MTMR3: variants seen among roughly 807,000 people sequenced by gnomAD.
MTMR3 encodes the protein myotubularin related protein 3.
A neutral mutation model predicts 132.4 loss-of-function variants in MTMR3; 32 were observed. The ratio of observed to expected loss-of-function variants is 0.24; its 90% confidence interval spans 0.18 to 0.32. The LOEUF is 0.32. Among genes scored for constraint, MTMR3 ranks in the 10% least tolerant of loss-of-function variants. The probability of loss-of-function intolerance (pLI) is 1.00; values close to 1 mark genes in which losing one functional copy is unlikely to be tolerated. For missense variants in MTMR3, 1,216 were observed against 1,489.6 expected (o/e 0.82, Z 3.02); for synonymous variants, 556 against 550.3 (o/e 1.01, Z -0.14).
At chr22:29,991,254 A>G in intron 6 of MTMR3, 1 of 288,454 alleles carries the variant, frequency 3.5e-6, no homozygotes, top group Non-Finnish European at 6.4e-6. Context: ...ATCTTAGAAG[A>G]GATTTCATTA....
intron 1 of MTMR3, among the ~76,000 whole-genome samples, chr22:29,942,460 CATCTT>C: frequency 6.6e-6 from 1 of 152,176 alleles, no homozygotes; most frequent in Non-Finnish European, 1.5e-5. Context: ...TCATTGATAA[CATCTT>C]ATCAGGAGAC....
chr22:30,017,856 G>C, intron 15 of MTMR3, 71 bp from the exon 16 acceptor site: 1 of 1,592,986 alleles, frequency 6.3e-7, no homozygotes, highest in South Asian at 1.1e-5. Flanking sequence ...GCTTGCTCTT[G>C]ATCCTCATTT....
intron 19 of MTMR3, chr22:30,023,595 T>C: frequency 7.5e-7 from 1 of 1,337,284 alleles, no homozygotes; most frequent in East Asian, 2.3e-5. Flanking sequence ...GCCTGGGGCC[T>C]TGGGTGCACA....
chr22:29,918,330 C>T (rs888658676), intron 1 of MTMR3, among the ~76,000 whole-genome samples: 2 of 152,188 alleles, frequency 1.3e-5, no homozygotes, highest in African/African-American at 4.8e-5. Context: ...TGGTGTTAAG[C>T]AGGCATCTCT....
intron 2 of MTMR3, among the ~76,000 whole-genome samples, chr22:29,966,319 C>T (rs1313571595): frequency 6.6e-6 from 1 of 151,976 alleles, no homozygotes; most frequent in African/African-American, 2.4e-5. Flanking sequence ...GTCAGATTTC[C>T]CTAATAGATG....
At chr22:29,997,499 G>A (rs2145919335) in intron 7 of MTMR3, 1 of 152,360 alleles carries the variant, frequency 6.6e-6, no homozygotes, top group Middle Eastern at 3.4e-3. Flanking sequence ...GCTGCCCTAG[G>A]ACTGTGTATG....
chr22:29,940,706 A>G (rs2065841679), intron 1 of MTMR3, among the ~76,000 whole-genome samples: 1 of 150,246 alleles, frequency 6.7e-6, no homozygotes, highest in African/African-American at 2.5e-5. Flanking sequence ...TTTCCTTGGC[A>G]AGAGGTGCCA....
chr22:29,958,698 T>C (rs139034580), intron 2 of MTMR3, among the ~76,000 whole-genome samples: 94 of 152,336 alleles, frequency 6.2e-4, no homozygotes, highest in African/African-American at 2.1e-3. Context: ...AATTTCTGTA[T>C]CTCTTAACAT....
rs932706949 is a variant in MTMR3 at position 30,027,705 on chromosome 22, G to A, written c.*1904G>A. 1 of 152,686 alleles carries A rather than the reference G, an allele frequency of 6.5e-6. No individual in the cohort carries two copies. The highest frequency in any genetic ancestry group is 2.4e-5 in the African/African-American group (1 of 41,428). The allele number at this position is 152,686 out of a possible 1,614,324, so 9.5% of individuals were successfully genotyped here. A position where few individuals can be genotyped will look rare whatever the true frequency, so the allele number is the denominator to read the frequency against. On this transcript the variant is annotated 3_prime_UTR_variant, in exon 20 of 20. Transcript: ENST00000401950. Reference sequence around the variant, plus strand: ...ATTTTCCTTTGTTAAAGGAGGAACCGTAACTCTCCATAGCTGTACATATAA... The same window carrying A: ...ATTTTCCTTTGTTAAAGGAGGAACCATAACTCTCCATAGCTGTACATATAA...
At chr22:30,011,397 C>G (rs994078110) in intron 12 of MTMR3, 2 of 152,224 alleles carry the variant, frequency 1.3e-5, no homozygotes, top group Non-Finnish European at 2.9e-5. Flanking sequence ...GAGTCTCTCT[C>G]TCTCATCCAT....
intron 11 of MTMR3, chr22:30,008,709 C>T: frequency 4.0e-6 from 1 of 249,992 alleles, no homozygotes; most frequent in East Asian, 1.0e-4. Context: ...TTAGATAAGG[C>T]CCAAGAAGTA....
chr22:29,938,388 C>T (rs2065791637), intron 1 of MTMR3, among the ~76,000 whole-genome samples: 1 of 152,196 alleles, frequency 6.6e-6, no homozygotes, highest in Non-Finnish European at 1.5e-5. Flanking sequence ...GTTTCTGACT[C>T]ATTCCTGAAT....
intron 2 of MTMR3, among the ~76,000 whole-genome samples, chr22:29,966,648 C>G (rs771459064): frequency 6.6e-5 from 10 of 151,850 alleles, no homozygotes; most frequent in Non-Finnish European, 1.3e-4. Flanking sequence ...ATACTTGATT[C>G]TTTCCCCTTA....
At chr22:30,019,262 G>A (rs2145971958) in intron 16 of MTMR3, 1 of 542,230 alleles carries the variant, frequency 1.8e-6, no homozygotes, top group South Asian at 2.8e-5. Context: ...TATGGGGCAT[G>A]GGGTTGGGGG....
At chr22:30,022,489 G>T in intron 18 of MTMR3, 120 bp from the exon 19 acceptor site, 1 of 821,218 alleles carries the variant, frequency 1.2e-6, no homozygotes. Flanking sequence ...CAGATCTGCT[G>T]GGCTGGTGCC....
At position 29,998,699 on chromosome 22, in the gene MTMR3, T is replaced by C; in HGVS notation, c.461-62T>C. 3.6e-6 allele frequency: 4 copies of C among 1,116,510 alleles called. No homozygotes were observed. The East Asian group carries it at 1.0e-4, about 28-fold the overall frequency. The allele number at this position is 1,116,510 out of a possible 1,614,324, so 69.2% of individuals were successfully genotyped here. A position where few individuals can be genotyped will look rare whatever the true frequency, so the allele number is the denominator to read the frequency against. On this transcript the variant is annotated intron_variant, in intron 7 of 19. Coordinates refer to ENST00000401950, the MANE Select transcript of MTMR3 (RefSeq NM_021090.4). ...CATATGTATATTTCTTTGTTTTTAT[T>C]CCACCTGTTTTGCAAAATGGTATTC...
intron 1 of MTMR3, among the ~76,000 whole-genome samples, chr22:29,929,010 T>C (rs1323313532): frequency 6.6e-6 from 1 of 152,180 alleles, no homozygotes; most frequent in Non-Finnish European, 1.5e-5. Flanking sequence ...CTGGGCATGG[T>C]GGCTCATGCC....
intron 1 of MTMR3, among the ~76,000 whole-genome samples, chr22:29,948,299 G>C (rs2145825720): frequency 6.6e-6 from 1 of 152,304 alleles, no homozygotes; most frequent in Admixed American, 6.5e-5. Flanking sequence ...TTTGATGTCT[G>C]TTATTCTGCA....
chr22:29,994,770 T>C (rs2067029711), intron 7 of MTMR3: 1 of 152,328 alleles, frequency 6.6e-6, no homozygotes, highest in South Asian at 2.1e-4. Context: ...TAAATCTTAG[T>C]TTCTGGCTGT....
Sources: allele counts gnomAD v4.1 joint callset (sites outside exome capture counted in the v4.1 genomes callset), GRCh38; gene constraint gnomAD v4.1.1; transcripts MANE v1.5; gene names NCBI Gene and HGNC (gene_info 2026-07-23, HGNC 2026-07-21).